The following PTPRT variants were observed in gnomAD, a reference collection of about 807,000 sequenced individuals.
The protein encoded by PTPRT is receptor-type tyrosine-protein phosphatase T.
A neutral mutation model predicts 176.8 loss-of-function variants in PTPRT; 56 were observed. That is an observed-to-expected ratio of 0.32 (90% CI 0.26 to 0.40). The LOEUF (loss-of-function observed/expected upper bound fraction) is 0.40, where lower values mean the gene tolerates loss of function less well. Ranked by LOEUF, PTPRT falls within the 10% of genes least tolerant of loss-of-function variation. The pLI is 1.00. For missense variants in PTPRT, 1,540 were observed against 1,908.2 expected, an observed-to-expected ratio of 0.81 and a Z score of 3.60; for synonymous variants, 783 against 739.0, an observed-to-expected ratio of 1.06 and a Z score of -0.96.
chr20:42,406,490 A>G (rs2058962279), intron 9 of PTPRT, among the ~76,000 whole-genome samples: 3 of 152,272 alleles, frequency 2.0e-5, no homozygotes, highest in African/African-American at 4.8e-5. Flanking sequence ...TAACAGTTTA[A>G]GAAAGTTATT....
intron 2 of PTPRT, among the ~76,000 whole-genome samples, chr20:42,831,067 C>T (rs1034514166): frequency 2.0e-5 from 3 of 152,136 alleles, no homozygotes; most frequent in East Asian, 3.8e-4. Flanking sequence ...GCCTGAATAG[C>T]GAAGGCAATT....
intron 5 of PTPRT, among the ~76,000 whole-genome samples, chr20:42,768,748 A>C (rs2077021525): frequency 6.6e-6 from 1 of 152,172 alleles, no homozygotes; most frequent in Non-Finnish European, 1.5e-5. Flanking sequence ...ATTGAAAGCC[A>C]CCTGGAAGAC....
At chr20:42,207,511 C>T in intron 15 of PTPRT, among the ~76,000 whole-genome samples, 1 of 84,864 alleles carries the variant, frequency 1.2e-5, no homozygotes, top group Non-Finnish European at 2.3e-5. Context: ...GCCTCAGGAG[C>T]CGATGCGATC....
chr20:42,918,936 C>A (rs1419107827), intron 1 of PTPRT, among the ~76,000 whole-genome samples: 8 of 152,096 alleles, frequency 5.3e-5, no homozygotes, highest in Non-Finnish European at 1.0e-4. Context: ...CAGAAGAGGC[C>A]CTCTCAGCTC....
chr20:42,355,620 A>C (rs1157693551), intron 9 of PTPRT, among the ~76,000 whole-genome samples: 1 of 152,144 alleles, frequency 6.6e-6, no homozygotes, highest in Non-Finnish European at 1.5e-5. Flanking sequence ...GGGCAAATGG[A>C]GTTTTCAGCA....
intron 15 of PTPRT, among the ~76,000 whole-genome samples, chr20:42,202,171 T>A (rs1991479354): frequency 1.3e-5 from 2 of 152,106 alleles, no homozygotes; most frequent in Admixed American, 1.3e-4. Flanking sequence ...CGTTTTACCA[T>A]ATTGCCCAGG....
Position 42,289,502 on chromosome 20 carries a change from C to T in PTPRT, c.2140-6977G>A, listed in dbSNP as rs186664926. 8.6e-5 allele frequency among the ~76,000 whole-genome samples: 13 copies of T among 151,974 alleles called. No homozygotes were observed. In the East Asian group the frequency reaches 2.1e-3, roughly 25 times the overall value. ...CAAACAGACATTTCTCAAAAGAAGA[C>T]GTATAAGTGGCCAACAAACATGAAA... On this transcript the variant is annotated intron_variant, in intron 12 of 30. Coordinates refer to ENST00000373187, the MANE Select transcript of PTPRT (RefSeq NM_007050.6).
At position 42,838,680 on chromosome 20, in the gene PTPRT, C is replaced by T. The variant is rs112549263; in HGVS notation, c.214+47127G>A. 7.5e-3 allele frequency among the ~76,000 whole-genome samples: 1,146 copies of T among 152,318 alleles called. 5 individuals carry two copies. Among genetic ancestry groups the T allele is most frequent in the African/African-American group, 0.026 (1,093 of 41,564 alleles). On this transcript the variant is annotated intron_variant, in intron 2 of 30. Coordinates refer to ENST00000373187, the MANE Select transcript of PTPRT (RefSeq NM_007050.6). Reference sequence around the variant, plus strand: ...GATATAAAAACAAATCACATCCCTTCCCTGATTTTAAACCTGATATGGGTG... The same window carrying T: ...GATATAAAAACAAATCACATCCCTTTCCTGATTTTAAACCTGATATGGGTG...
chr20:42,464,021 A>AACTTCCATG (rs1442340895), intron 8 of PTPRT, among the ~76,000 whole-genome samples: 1 of 152,188 alleles, frequency 6.6e-6, no homozygotes, highest in African/African-American at 2.4e-5. Context: ...AAACTTTGCC[A>AACTTCCATG]ACTTCCATGG....
At chr20:42,492,959 T>C (rs1192804683) in intron 7 of PTPRT, among the ~76,000 whole-genome samples, 1 of 152,216 alleles carries the variant, frequency 6.6e-6, no homozygotes, top group Non-Finnish European at 1.5e-5. Flanking sequence ...ATCTTCAATG[T>C]CTCTAGTTAT....
chr20:42,834,694 A>T (rs6030509), intron 2 of PTPRT, among the ~76,000 whole-genome samples: 30,322 of 151,976 alleles, frequency 0.2, 3,243 homozygotes, highest in East Asian at 0.45. Flanking sequence ...ACCGTACCCC[A>T]CCACCCTTTT....
intron 2 of PTPRT, among the ~76,000 whole-genome samples, chr20:42,845,148 G>A (rs1398035836): frequency 6.6e-6 from 1 of 152,168 alleles, no homozygotes; most frequent in Non-Finnish European, 1.5e-5. Flanking sequence ...GCCTGAGTGT[G>A]TGAATGTACT....
At chr20:42,625,730 T>G (rs931079376) in intron 7 of PTPRT, among the ~76,000 whole-genome samples, 1 of 151,740 alleles carries the variant, frequency 6.6e-6, no homozygotes, top group Admixed American at 6.6e-5. Flanking sequence ...ACCAACACAA[T>G]GAGAGAGAAA....
At chr20:42,588,035 C>A (rs1019106724) in intron 7 of PTPRT, among the ~76,000 whole-genome samples, 1 of 152,142 alleles carries the variant, frequency 6.6e-6, no homozygotes, top group African/African-American at 2.4e-5. Context: ...TCCCTTTCCC[C>A]AGTAGGCATC....
chr20:42,326,362 AGAAG>A (rs2057881629), intron 11 of PTPRT, among the ~76,000 whole-genome samples: 1 of 152,228 alleles, frequency 6.6e-6, no homozygotes, highest in East Asian at 1.9e-4. Flanking sequence ...GACACAAAAC[AGAAG>A]AGATACACAT....
intron 7 of PTPRT, among the ~76,000 whole-genome samples, chr20:42,644,956 G>T (rs1365896147): frequency 6.6e-6 from 1 of 152,160 alleles, no homozygotes; most frequent in African/African-American, 2.4e-5. Context: ...ACCTAGAGAA[G>T]TTCAGAACCT....
intron 13 of PTPRT, among the ~76,000 whole-genome samples, chr20:42,249,931 G>A (rs967037514): frequency 1.3e-5 from 2 of 152,130 alleles, no homozygotes; most frequent in Non-Finnish European, 2.9e-5. Flanking sequence ...TCCTATTGGC[G>A]CCAGCCTTTA....
At chr20:43,113,317 C>A (rs2012937826) in intron 1 of PTPRT, among the ~76,000 whole-genome samples, 1 of 152,192 alleles carries the variant, frequency 6.6e-6, no homozygotes, top group African/African-American at 2.4e-5. Flanking sequence ...TCATACAAAG[C>A]TGTTTAATTC....
intron 1 of PTPRT, among the ~76,000 whole-genome samples, chr20:43,154,496 A>C (rs1188881810): frequency 3.9e-5 from 6 of 152,204 alleles, no homozygotes; most frequent in Non-Finnish European, 8.8e-5. Flanking sequence ...TGCTTTGGCT[A>C]TTCAGGGACT....
Sources: allele counts gnomAD v4.1 joint callset (sites outside exome capture counted in the v4.1 genomes callset), GRCh38; gene constraint gnomAD v4.1.1; transcripts MANE v1.5; gene names NCBI Gene and HGNC (gene_info 2026-07-23, HGNC 2026-07-21).